Variants in CPEB3 observed in about 807,000 individuals in gnomAD.
The protein encoded by CPEB3 is cytoplasmic polyadenylation element binding protein 3.
CPEB3 carries 20 observed loss-of-function variants against 67.2 expected under a neutral mutation model. The observed-to-expected ratio is 0.30, with a 90% CI of 0.21 to 0.43. The LOEUF (loss-of-function observed/expected upper bound fraction) is 0.43. CPEB3 is among the 20% of genes least tolerant of loss of function. CPEB3 has a pLI of 1.00. For missense variants in CPEB3, 746 were observed against 968.6 expected (o/e 0.77, Z 3.05); for synonymous variants, 376 against 393.1 (o/e 0.96, Z 0.51).
At chr10:92,236,745 G>GTC (rs1851554827) in intron 2 of CPEB3, among the ~76,000 whole-genome samples, 1 of 136,234 alleles carries the variant, frequency 7.3e-6, no homozygotes, top group Middle Eastern at 3.9e-3. Context: ...GTGAAACATT[G>GTC]TCACACACAC....
At chr10:92,193,990 G>T (rs1055949737) in intron 2 of CPEB3, among the ~76,000 whole-genome samples, 3 of 151,490 alleles carry the variant, frequency 2.0e-5, no homozygotes, top group Admixed American at 2.0e-4. Context: ...TAGAAATGGG[G>T]TTTCACCGTG....
In CPEB3 at chr10:92,239,281, A is replaced by T; in HGVS notation, c.1005+65T>A. On this transcript the variant is annotated intron_variant, in intron 2 of 9. Transcript: ENST00000265997. This position sits in a 1 kb window ranked among gnomAD's most constrained non-coding sequence, Gnocchi z 6.0. ...AAATATAAGCGGGTGGATGATTAAA[A>T]GTCAGAGAAGTGGCAAAAGGAGCGG... 6.5e-7 allele frequency: 1 copy of T among 1,526,802 alleles called. No homozygotes were observed. 94.6% of individuals were successfully genotyped at this position (1,526,802 alleles called of 1,614,324 possible). A position where few individuals can be genotyped will look rare whatever the true frequency, so the allele number is the denominator to read the frequency against.
chr10:92,161,464 G>A lies in CPEB3; in HGVS notation c.1223-16379C>T, dbSNP rs368273371. On this transcript the variant is annotated intron_variant, in intron 4 of 9. Coordinates refer to ENST00000265997, the MANE Select transcript of CPEB3 (RefSeq NM_014912.5). ...TTTTTTGTATTTTTAGTAGAGACACGATTTCACCATGTTGGCCAGGCTGGT... is the reference window on the plus strand; with the variant it reads ...TTTTTTGTATTTTTAGTAGAGACACAATTTCACCATGTTGGCCAGGCTGGT... Among the ~76,000 whole-genome samples the A allele has an allele frequency of 3.3e-5, 5 of 152,036 alleles. 1 individual carries two copies. In the East Asian group the frequency reaches 5.8e-4, roughly 18 times the overall value.
chr10:92,255,471 A>G (rs976227114), intron 1 of CPEB3, among the ~76,000 whole-genome samples: 9 of 152,178 alleles, frequency 5.9e-5, no homozygotes, highest in Admixed American at 2.0e-4. Flanking sequence ...AACACTTCTG[A>G]TAAGAATTTA....
chr10:92,103,699 G>C (rs1441961256), intron 7 of CPEB3, among the ~76,000 whole-genome samples: 1 of 152,158 alleles, frequency 6.6e-6, no homozygotes, highest in Admixed American at 6.5e-5. Flanking sequence ...GACATTTGTT[G>C]GACCTACTAA....
chr10:92,108,047 A>G (rs901615178), intron 7 of CPEB3, among the ~76,000 whole-genome samples: 1 of 152,210 alleles, frequency 6.6e-6, no homozygotes, highest in Non-Finnish European at 1.5e-5. Flanking sequence ...AATCTGATTA[A>G]TCTGTTCCAA....
At position 92,266,989 on chromosome 10, in the gene CPEB3, G is replaced by A. The variant is rs566314227; in HGVS notation, c.-12+23937C>T. On this transcript the variant is annotated intron_variant, in intron 1 of 9. Coordinates refer to ENST00000265997, the MANE Select transcript of CPEB3 (RefSeq NM_014912.5). ...GCGGAGGTTGCAGTGAGCCAAGATT[G>A]CGCCATCACACTCCAGCCTGGGGGA... is the stretch of plus-strand genomic sequence containing the variant. Among the ~76,000 whole-genome samples the A allele has an allele frequency of 3.9e-5, 6 of 152,032 alleles. No individual in the cohort carries two copies. The East Asian group carries it at 7.7e-4, about 20-fold the overall frequency.
intron 2 of CPEB3, among the ~76,000 whole-genome samples, chr10:92,233,963 C>G (rs1851399438): frequency 2.0e-5 from 3 of 151,922 alleles, no homozygotes; most frequent in Admixed American, 2.0e-4. Flanking sequence ...AAAAATCAGC[C>G]AGGCATGGTG....
At chr10:92,194,838 G>A (rs990903356) in intron 2 of CPEB3, among the ~76,000 whole-genome samples, 2 of 151,930 alleles carry the variant, frequency 1.3e-5, no homozygotes, top group Admixed American at 6.6e-5. Flanking sequence ...TCAGGAGATC[G>A]AGACCATCCT....
At chr10:92,069,426 C>T (rs184254883) in intron 9 of CPEB3, among the ~76,000 whole-genome samples, 3 of 152,214 alleles carry the variant, frequency 2.0e-5, no homozygotes, top group African/African-American at 7.2e-5. Flanking sequence ...TTTTTTGAGA[C>T]AGGGTCTCAC....
Position 92,239,536 on chromosome 10 carries a change from A to G in CPEB3, c.815T>C (p.Val272Ala). 1 of 1,559,342 alleles carries G rather than the reference A, an allele frequency of 6.4e-7. No homozygotes were observed. Among genetic ancestry groups the G allele is most frequent in the Middle Eastern group, 1.8e-4 (1 of 5,652 alleles). Reference sequence around the variant, plus strand: ...GACACCCACACCCACGCCCACACCGACCGCCCGGCGAGGGTCCCGGCCCGC... The same window carrying G: ...GACACCCACACCCACGCCCACACCGGCCGCCCGGCGAGGGTCCCGGCCCGC... ...LQAGRDPRRA[V>A]GVGVGVGVGV... Residue 272 changes from valine (V) to alanine (A), a missense_variant, in exon 2 of 10, where the codon GTC (valine) becomes GCC (alanine). Coordinates refer to ENST00000265997, the MANE Select transcript of CPEB3 (RefSeq NM_014912.5). The surrounding 1 kb of genome is among the most constrained non-coding windows in gnomAD (Gnocchi z 6.0).
chr10:92,198,347 C>T lies in CPEB3; in HGVS notation c.1006-5711G>A, dbSNP rs145280615. On this transcript the variant is annotated intron_variant, in intron 2 of 9. Transcript: ENST00000265997. ...ATCCAGAGACAGGTTTCTTTGACCC[C>T]ACCCTGCAACACAAGCAACTTGACC... Among the ~76,000 whole-genome samples the T allele has an allele frequency of 1.1e-3, 174 of 152,250 alleles. 1 individual carries two copies. The highest frequency in any genetic ancestry group is 6.0e-3 in the East Asian group (31 of 5,178).
At chr10:92,218,268 G>A (rs906435372) in intron 2 of CPEB3, among the ~76,000 whole-genome samples, 56 of 152,088 alleles carry the variant, frequency 3.7e-4, no homozygotes, top group African/African-American at 1.3e-3. Flanking sequence ...TTAGCCCAGA[G>A]TGGCGGCACA....
chr10:92,227,585 T>A (rs1021913363), intron 2 of CPEB3, among the ~76,000 whole-genome samples: 2 of 151,614 alleles, frequency 1.3e-5, no homozygotes, highest in Non-Finnish European at 2.9e-5. Flanking sequence ...TATTTACTTA[T>A]TTTATTTTTT....
At chr10:92,193,100 T>C (rs990556836) in intron 2 of CPEB3, among the ~76,000 whole-genome samples, 2 of 152,002 alleles carry the variant, frequency 1.3e-5, no homozygotes, top group African/African-American at 4.8e-5. Context: ...TAATCCCAGC[T>C]ACTTGGGAGG....
chr10:92,159,671 C>CA lies in CPEB3; in HGVS notation c.1223-14587dup, dbSNP rs560800333. Among the ~76,000 whole-genome samples the CA allele has an allele frequency of 8.6e-4, 129 of 149,134 alleles. 1 individual carries two copies. Among genetic ancestry groups the CA allele is most frequent in the Middle Eastern group, 3.4e-3 (1 of 290 alleles). On this transcript the variant is annotated intron_variant, in intron 4 of 9. Coordinates refer to ENST00000265997, the MANE Select transcript of CPEB3 (RefSeq NM_014912.5). ...TGGGTGACAGAGCGAGACTCCGTCT[C>CA]AAAAAAAAACAGAAAACAAAAAACA...
At chr10:92,088,163 T>G (rs1391098834) in intron 8 of CPEB3, among the ~76,000 whole-genome samples, 2 of 152,248 alleles carry the variant, frequency 1.3e-5, no homozygotes, top group East Asian at 3.9e-4. Context: ...TCCACTGATA[T>G]TTTCCCATTT....
intron 4 of CPEB3, among the ~76,000 whole-genome samples, chr10:92,161,580 T>C (rs1438516757): frequency 6.6e-6 from 1 of 150,634 alleles, no homozygotes; most frequent in Non-Finnish European, 1.5e-5. Flanking sequence ...GTGGCTTAGA[T>C]TTGTTTTTAT....
In CPEB3 at chr10:92,053,433, G is replaced by A. The variant is rs561023768; in HGVS notation, c.1870-994C>T. Among the ~76,000 whole-genome samples, 20 of 151,878 alleles carry A rather than the reference G, an allele frequency of 1.3e-4. No individual in the cohort carries two copies. The East Asian group carries it at 2.3e-3, about 18-fold the overall frequency. ...GGCTGGAGTGCAGTGGTGCGATCTC[G>A]GCTCACTGCAAACTCTGCCTCCCAG... On this transcript the variant is annotated intron_variant, in intron 9 of 9. Coordinates refer to ENST00000265997, the MANE Select transcript of CPEB3 (RefSeq NM_014912.5).
Sources: allele counts gnomAD v4.1 joint callset (sites outside exome capture counted in the v4.1 genomes callset), GRCh38; gene constraint gnomAD v4.1.1; non-coding constraint Gnocchi (gnomAD v3.1); transcripts MANE v1.5; gene names NCBI Gene and HGNC (gene_info 2026-07-23, HGNC 2026-07-21).